Variants in VWF observed in about 807,000 individuals in gnomAD.
The protein encoded by VWF is von Willebrand factor.
A neutral mutation model predicts 308.6 loss-of-function variants in VWF; 176 were observed. That is an observed-to-expected ratio of 0.57 (90% CI 0.50 to 0.65). The LOEUF is 0.65. VWF is among the 30% of genes least tolerant of loss of function. The pLI, the probability that VWF is intolerant of heterozygous loss-of-function variation, is 0.00. For missense variants in VWF, 3,146 were observed against 3,648.2 expected (o/e 0.86, Z 3.55); for synonymous variants, 1,385 against 1,443.4 (o/e 0.96, Z 0.92).
chr12:6,092,614 T>TGAGTGTGAGAGAGAGAGAGA (rs71064187), intron 6 of VWF, among the ~76,000 whole-genome samples: 3 of 86,056 alleles, frequency 3.5e-5, no homozygotes, highest in Non-Finnish European at 6.7e-5. Flanking sequence ...AGTGAGTGAG[T>TGAGTGTGAGAGAGAGAGAGA]GAGAGTGTGT....
chr12:6,101,595 T>C (rs939191900), intron 5 of VWF, among the ~76,000 whole-genome samples: 2 of 151,460 alleles, frequency 1.3e-5, no homozygotes, highest in African/African-American at 4.9e-5. Context: ...GCCGATATGG[T>C]GAAACCCCGT....
chr12:5,962,990 T>C (rs1034499631), intron 47 of VWF, among the ~76,000 whole-genome samples: 7 of 152,216 alleles, frequency 4.6e-5, no homozygotes, highest in African/African-American at 1.4e-4. Flanking sequence ...TCATGGATCA[T>C]AGACCTAAAA....
intron 44 of VWF, among the ~76,000 whole-genome samples, chr12:5,970,283 A>C (rs1271086181): frequency 6.6e-6 from 1 of 152,180 alleles, no homozygotes; most frequent in Non-Finnish European, 1.5e-5. Flanking sequence ...GACATGGTTC[A>C]GCAGCAAAGC....
intron 18 of VWF, among the ~76,000 whole-genome samples, chr12:6,043,730 A>G (rs1013335847): frequency 6.6e-6 from 1 of 152,180 alleles, no homozygotes; most frequent in African/African-American, 2.4e-5. Flanking sequence ...CAGGCACAGC[A>G]CCGGAGTCAT....
intron 40 of VWF, among the ~76,000 whole-genome samples, chr12:5,983,823 G>GATAGATAGATAGATGATAC (rs1943641373): frequency 2.4e-5 from 2 of 84,796 alleles, no homozygotes; most frequent in African/African-American, 7.2e-5. Context: ...ATAGATGATA[G>GATAGATAGATAGATGATAC]AGGATAGATG....
At chr12:6,095,295 C>T (rs1347534879) in intron 6 of VWF, 165 bp downstream of exon 6, 55 of 1,084,758 alleles carry the variant, frequency 5.1e-5, no homozygotes, top group African/African-American at 2.2e-4. Context: ...GCTTCAGGCT[C>T]GAGATGTATT....
intron 34 of VWF, among the ~76,000 whole-genome samples, chr12:6,006,799 A>G (rs528951705): frequency 6.6e-6 from 1 of 152,334 alleles, no homozygotes; most frequent in African/African-American, 2.4e-5. Context: ...GTAAATAAAT[A>G]AATAAAATAT....
chr12:6,011,872 A>G lies in VWF; in HGVS notation c.5665-78T>C. The stretch of plus-strand genomic sequence containing the variant: ...TCTAAGCCCATCTGCCAGACAACTG[A>G]CCCCTAGAATTGAACACAGGCCTAC... On this transcript the variant is annotated intron_variant, in intron 33 of 51. Coordinates refer to ENST00000261405, the MANE Select transcript of VWF (RefSeq NM_000552.5). The G allele has an allele frequency of 2.8e-6, 4 of 1,432,930 alleles. No homozygotes were observed. In the South Asian group the frequency reaches 3.5e-5, roughly 13 times the overall value. 88.8% of individuals were successfully genotyped at this position (1,432,930 alleles called of 1,614,324 possible).
rs778687276 is a variant in VWF at position 6,021,886 on chromosome 12, G to C, written c.3674+14C>G. ...AAGATTCATCACTTCAAACAACCCA[G>C]GAATCTGTTTTACCAAATCTGGCAG... On this transcript the variant is annotated intron_variant, in intron 27 of 51. Transcript: ENST00000261405. 1.2e-6 allele frequency: 2 copies of C among 1,614,124 alleles called. No individual in the cohort carries two copies. The highest frequency in any genetic ancestry group is 2.2e-5 in the South Asian group (2 of 91,086).
intron 51 of VWF, among the ~76,000 whole-genome samples, chr12:5,949,567 G>T (rs1234901856): frequency 6.6e-6 from 1 of 152,112 alleles, no homozygotes; most frequent in Non-Finnish European, 1.5e-5. Context: ...TTTCTGTAAA[G>T]GATTTGCTGA....
intron 43 of VWF, among the ~76,000 whole-genome samples, chr12:5,973,823 G>A (rs1943504331): frequency 6.6e-6 from 1 of 152,194 alleles, no homozygotes; most frequent in South Asian, 2.1e-4. Context: ...GAGCCTACGG[G>A]TGAGGAGTCA....
At chr12:5,964,883 G>A (rs1415751264) in intron 47 of VWF, among the ~76,000 whole-genome samples, 2 of 152,196 alleles carry the variant, frequency 1.3e-5, no homozygotes, top group African/African-American at 4.8e-5. Flanking sequence ...GCCGAAGGGG[G>A]CAACAGTGTT....
intron 6 of VWF, among the ~76,000 whole-genome samples, chr12:6,093,881 G>A: frequency 6.6e-6 from 1 of 152,202 alleles, no homozygotes; most frequent in Middle Eastern, 3.2e-3. Flanking sequence ...AGGTCCTGGT[G>A]AGTGAGATCA....
intron 34 of VWF, among the ~76,000 whole-genome samples, chr12:6,008,105 G>T (rs180802251): frequency 1.3e-5 from 2 of 152,146 alleles, no homozygotes; most frequent in African/African-American, 4.8e-5. Flanking sequence ...TTCTACCAAA[G>T]ATTTAAAGAA....
intron 34 of VWF, among the ~76,000 whole-genome samples, chr12:6,002,384 CAA>C (rs1565825722): frequency 6.6e-6 from 1 of 151,450 alleles, no homozygotes; most frequent in Non-Finnish European, 1.5e-5. Flanking sequence ...TAACAAATGA[CAA>C]AAGAAAATCG....
At chr12:5,979,406 A>G (rs764324038) in intron 42 of VWF, among the ~76,000 whole-genome samples, 11 of 152,240 alleles carry the variant, frequency 7.2e-5, no homozygotes, top group Non-Finnish European at 1.6e-4. Context: ...AAACTTCACA[A>G]TGCAGAAATA....
intron 38 of VWF, among the ~76,000 whole-genome samples, chr12:5,987,007 A>T (rs1028549644): frequency 5.3e-5 from 8 of 152,188 alleles, no homozygotes; most frequent in African/African-American, 1.9e-4. Context: ...GGCTCATTGC[A>T]ACCTCTGCCT....
At chr12:6,104,623 G>A (rs1945220137) in intron 5 of VWF, among the ~76,000 whole-genome samples, 1 of 151,992 alleles carries the variant, frequency 6.6e-6, no homozygotes, top group African/African-American at 2.4e-5. Flanking sequence ...CTTGAACCCG[G>A]GAACTGGAGG....
At chr12:6,098,549 C>T (rs113071229) in intron 5 of VWF, among the ~76,000 whole-genome samples, 15 of 152,208 alleles carry the variant, frequency 9.9e-5, no homozygotes, top group East Asian at 1.9e-4. Flanking sequence ...GAGGCCGAGG[C>T]GGGCGGATCA....
Sources: allele counts gnomAD v4.1 joint callset (sites outside exome capture counted in the v4.1 genomes callset), GRCh38; gene constraint gnomAD v4.1.1; transcripts MANE v1.5; gene names NCBI Gene and HGNC (gene_info 2026-07-23, HGNC 2026-07-21).